Variants in MARCHF1 observed in about 807,000 individuals in gnomAD.
The protein encoded by MARCHF1 is membrane associated ring-CH-type finger 1, also known as E3 ubiquitin-protein ligase MARCHF1.
MARCHF1 carries 40 observed loss-of-function variants against 54.2 expected under a neutral mutation model. The ratio of observed to expected loss-of-function variants is 0.74; its 90% CI spans 0.57 to 0.96. The LOEUF (loss-of-function observed/expected upper bound fraction) is 0.96. Among genes scored for constraint, MARCHF1 ranks in the 40% least tolerant of loss-of-function variants. MARCHF1 has a pLI of 0.00. For missense variants in MARCHF1, 586 were observed against 656.5 expected, an observed-to-expected ratio of 0.89 and a Z score of 1.17; for synonymous variants, 236 against 236.3, an observed-to-expected ratio of 1.00 and a Z score of 0.01.
At chr4:163,664,097 C>A (rs150806269) in intron 5 of MARCHF1, among the ~76,000 whole-genome samples, 1 of 152,186 alleles carries the variant, frequency 6.6e-6, no homozygotes, top group East Asian at 1.9e-4. Flanking sequence ...TCTAAAGGCA[C>A]TTTCAATGCT....
intron 5 of MARCHF1, among the ~76,000 whole-genome samples, chr4:163,617,249 T>C (rs1741544174): frequency 6.6e-6 from 1 of 152,066 alleles, no homozygotes; most frequent in Admixed American, 6.6e-5. Flanking sequence ...CTGGCAAGGA[T>C]AGGGAAAAGT....
chr4:164,331,844 A>C (rs900911001), intron 1 of MARCHF1, among the ~76,000 whole-genome samples: 7 of 152,194 alleles, frequency 4.6e-5, no homozygotes, highest in Non-Finnish European at 8.8e-5. Flanking sequence ...AAAATTTCAA[A>C]TATATACAAT....
intron 8 of MARCHF1, among the ~76,000 whole-genome samples, chr4:163,550,695 C>T (rs1163854504): frequency 5.9e-5 from 9 of 152,314 alleles, no homozygotes; most frequent in South Asian, 2.1e-4. Flanking sequence ...AAGGTTATCA[C>T]ATTATTTACA....
intron 1 of MARCHF1, among the ~76,000 whole-genome samples, chr4:164,270,348 C>T (rs1249984137): frequency 6.6e-6 from 1 of 152,178 alleles, no homozygotes; most frequent in Non-Finnish European, 1.5e-5. Context: ...ATTTAAATTA[C>T]AGACTTCACT....
intron 1 of MARCHF1, among the ~76,000 whole-genome samples, chr4:164,334,689 A>T (rs1379362216): frequency 6.6e-6 from 1 of 152,214 alleles, no homozygotes; most frequent in Non-Finnish European, 1.5e-5. Context: ...TTCAAGTCTT[A>T]TTATTTAAAA....
intron 4 of MARCHF1, among the ~76,000 whole-genome samples, chr4:163,720,502 G>C (rs1242572695): frequency 1.3e-5 from 2 of 152,176 alleles, no homozygotes; most frequent in African/African-American, 4.8e-5. Context: ...GATTGTCTTG[G>C]CAATGTGGGC....
chr4:164,211,350 T>C (rs1731767103), intron 1 of MARCHF1, among the ~76,000 whole-genome samples: 1 of 117,770 alleles, frequency 8.5e-6, no homozygotes, highest in Admixed American at 7.8e-5. Flanking sequence ...TATATATATA[T>C]ATATACCACA....
chr4:164,110,157 C>G (rs1032022646), intron 2 of MARCHF1, among the ~76,000 whole-genome samples: 7 of 141,014 alleles, frequency 5.0e-5, no homozygotes, highest in Admixed American at 4.4e-4. Context: ...CACACACACA[C>G]AGGTAGCTAA....
chr4:164,078,384 G>A (rs1264013004), intron 2 of MARCHF1, among the ~76,000 whole-genome samples: 1 of 152,132 alleles, frequency 6.6e-6, no homozygotes, highest in Non-Finnish European at 1.5e-5. Context: ...GCAGGGAGTT[G>A]GGGGTTAGGG....
chr4:163,700,881 A>G lies in MARCHF1; in HGVS notation c.112-18T>C, dbSNP rs906039676. On this transcript the variant is annotated intron_variant, in intron 4 of 9. Coordinates refer to ENST00000514618, the MANE Select transcript of MARCHF1 (RefSeq NM_001394959.1). ...TTTTCATTCTGAAAAATAAAATGGG[A>G]AACATTAATTAAAAGAAGGTATGGT... 9 of 1,522,278 alleles carry G rather than the reference A, an allele frequency of 5.9e-6. No homozygotes were observed. The African/African-American group carries it at 1.1e-4, about 19-fold the overall frequency. The allele number at this position is 1,522,278 out of a possible 1,614,324, so 94.3% of individuals were successfully genotyped here.
At chr4:163,993,518 T>C (rs570625429) in intron 2 of MARCHF1, among the ~76,000 whole-genome samples, 2 of 152,286 alleles carry the variant, frequency 1.3e-5, no homozygotes, top group South Asian at 2.1e-4. Context: ...TGGCCACATA[T>C]ATTTTCTGAA....
At chr4:164,085,905 T>A (rs558008249) in intron 2 of MARCHF1, among the ~76,000 whole-genome samples, 40 of 151,974 alleles carry the variant, frequency 2.6e-4, no homozygotes, top group African/African-American at 9.4e-4. Context: ...ATTTGAATTA[T>A]GAAAAAATAA....
intron 4 of MARCHF1, among the ~76,000 whole-genome samples, chr4:163,785,467 C>T (rs946865309): frequency 1.3e-5 from 2 of 151,954 alleles, no homozygotes; most frequent in Non-Finnish European, 2.9e-5. Flanking sequence ...AATTATGGCT[C>T]TTTTGTTCCC....
At chr4:164,222,718 T>C (rs1473714770) in intron 1 of MARCHF1, among the ~76,000 whole-genome samples, 1 of 152,036 alleles carries the variant, frequency 6.6e-6, no homozygotes, top group African/African-American at 2.4e-5. Flanking sequence ...GGATAGATTA[T>C]ATATTTTGAT....
intron 3 of MARCHF1, among the ~76,000 whole-genome samples, chr4:163,943,418 G>A (rs6841621): frequency 0.83 from 125,757 of 152,106 alleles, 52,327 homozygotes; most frequent in East Asian, 0.93. Context: ...CTAGCCAGTT[G>A]TCCCAGCAAC....
chr4:164,152,689 G>A (rs1041189888), intron 1 of MARCHF1, among the ~76,000 whole-genome samples: 3 of 151,826 alleles, frequency 2.0e-5, no homozygotes, highest in Non-Finnish European at 4.4e-5. Flanking sequence ...TTTCAAGTTC[G>A]ATAAAAAACA....
At position 164,187,026 on chromosome 4, in the gene MARCHF1, C is replaced by CTT. The variant is rs55754853; in HGVS notation, c.-322-75366_-322-75365dup. Among the ~76,000 whole-genome samples, 481 of 147,814 alleles carry CTT rather than the reference C, an allele frequency of 3.3e-3. 3 individuals are homozygous for CTT. The highest frequency in any genetic ancestry group is 6.7e-3 in the African/African-American group (269 of 40,376). On this transcript the variant is annotated intron_variant, in intron 1 of 9. Transcript: ENST00000514618. ...TGCCTTCAACTATGGCTGAAGCAAT[C>CTT]TTTTTTTTTTTTTGCATGAAATGCA...
chr4:164,349,909 C>G (rs1730229504), intron 1 of MARCHF1, among the ~76,000 whole-genome samples: 1 of 152,100 alleles, frequency 6.6e-6, no homozygotes, highest in Non-Finnish European at 1.5e-5. Context: ...AAAAAACTTA[C>G]CTTTTGAAGT....
At chr4:163,813,998 T>C (rs904379892) in intron 4 of MARCHF1, among the ~76,000 whole-genome samples, 1 of 152,136 alleles carries the variant, frequency 6.6e-6, no homozygotes, top group Admixed American at 6.6e-5. Flanking sequence ...AATCCAGGGC[T>C]CAGGTCATAA....
Sources: gnomAD v4.1 joint callset for allele counts (sites outside exome capture counted in the v4.1 genomes callset) on GRCh38, gnomAD v4.1.1 for gene constraint, MANE v1.5 for transcripts, NCBI Gene and HGNC (gene_info 2026-07-23, HGNC 2026-07-21) for gene names.